The following CDK14 variants were observed in gnomAD, a reference collection of about 807,000 sequenced individuals.
The protein encoded by CDK14 is cyclin-dependent kinase 14.
In CDK14, 34 loss-of-function variants were observed where a neutral mutation model predicts 60.7. The ratio of observed to expected loss-of-function variants is 0.56; its 90% CI spans 0.43 to 0.75. The LOEUF is 0.75. Among genes scored for constraint, CDK14 ranks in the 30% least tolerant of loss-of-function variants. CDK14 has a pLI of 0.00. For synonymous variants in CDK14, 197 were observed against 203.7 expected (o/e 0.97, Z 0.28); for missense variants, 482 against 564.1 (o/e 0.85, Z 1.47).
At chr7:90,784,224 C>T (rs544324680) in intron 4 of CDK14, among the ~76,000 whole-genome samples, 1 of 152,194 alleles carries the variant, frequency 6.6e-6, no homozygotes, top group South Asian at 2.1e-4. Flanking sequence ...AAAAATTGTT[C>T]TCATGGAGGT....
chr7:91,152,280 G>C (rs374702959), intron 14 of CDK14, among the ~76,000 whole-genome samples: 1 of 152,068 alleles, frequency 6.6e-6, no homozygotes, highest in East Asian at 1.9e-4. Flanking sequence ...ATTCTTTTTT[G>C]TCTCCTTCAC....
intron 2 of CDK14, among the ~76,000 whole-genome samples, chr7:90,636,873 G>T (rs1278457548): frequency 6.6e-6 from 1 of 151,940 alleles, no homozygotes; most frequent in African/African-American, 2.4e-5. Context: ...GAGAGTGTAT[G>T]TGTCGAGGAA....
rs949995126 is a variant in CDK14, at chr7:90,997,886, A to G, written c.1041+13645A>G. 1.8e-4 allele frequency among the ~76,000 whole-genome samples: 27 copies of G among 152,288 alleles called. 2 individuals carry two copies. Among genetic ancestry groups the G allele is most frequent in the Non-Finnish European group, 1.6e-4 (11 of 67,992 alleles). Reference sequence around the variant, plus strand: ...TGACAGTGGGCTTCAGTGAACTTCTATTTTGAAGAAGTTTGACAAAATTTT... The same window carrying G: ...TGACAGTGGGCTTCAGTGAACTTCTGTTTTGAAGAAGTTTGACAAAATTTT... On this transcript the variant is annotated intron_variant, in intron 10 of 14. Transcript: ENST00000380050.
At chr7:90,624,571 AAG>A (rs1455149896) in intron 2 of CDK14, among the ~76,000 whole-genome samples, 1 of 152,198 alleles carries the variant, frequency 6.6e-6, no homozygotes, top group African/African-American at 2.4e-5. Flanking sequence ...GCTAAGAGGA[AAG>A]AGAGAGAAGT....
chr7:91,027,338 A>G (rs922552628), intron 10 of CDK14, among the ~76,000 whole-genome samples: 1 of 152,164 alleles, frequency 6.6e-6, no homozygotes, highest in African/African-American at 2.4e-5. Flanking sequence ...AATACTGACA[A>G]TTACCCCATA....
chr7:90,910,767 C>T (rs1792866972), intron 7 of CDK14, among the ~76,000 whole-genome samples: 1 of 152,062 alleles, frequency 6.6e-6, no homozygotes, highest in Non-Finnish European at 1.5e-5. Context: ...TCACTTAATT[C>T]CTCTTTTTTT....
At chr7:90,729,349 T>TTTTTTTTTG (rs1395629711) in intron 3 of CDK14, among the ~76,000 whole-genome samples, 2 of 119,974 alleles carry the variant, frequency 1.7e-5, no homozygotes, top group Non-Finnish European at 3.4e-5. Context: ...TCAAGGTTTT[T>TTTTTTTTTG]TTTTTTTTTT....
chr7:91,004,337 T>C (rs1795922248), intron 10 of CDK14, among the ~76,000 whole-genome samples: 1 of 152,188 alleles, frequency 6.6e-6, no homozygotes, highest in South Asian at 2.1e-4. Flanking sequence ...TAAAGGAACA[T>C]TGTGAATAAA....
intron 6 of CDK14, 28 bp downstream of exon 6, chr7:90,863,297 G>T: frequency 7.6e-7 from 1 of 1,321,456 alleles, no homozygotes; most frequent in South Asian, 1.2e-5. Flanking sequence ...TTTAAATTTA[G>T]ACATTTAAAA....
intron 2 of CDK14, among the ~76,000 whole-genome samples, chr7:90,633,960 T>C (rs1180160229): frequency 6.6e-6 from 1 of 152,182 alleles, no homozygotes; most frequent in Non-Finnish European, 1.5e-5. Context: ...TTTTAAAAGA[T>C]GTTTAATTGA....
intron 14 of CDK14, among the ~76,000 whole-genome samples, chr7:91,156,416 C>CTA: frequency 6.6e-6 from 1 of 152,062 alleles, no homozygotes; most frequent in Non-Finnish European, 1.5e-5. Flanking sequence ...TTCTTTAGAA[C>CTA]GGCTGTTTGA....
At chr7:90,665,283 C>CATAA (rs58390868) in intron 2 of CDK14, among the ~76,000 whole-genome samples, 44,500 of 150,036 alleles carry the variant, frequency 0.3, 7,225 homozygotes, top group East Asian at 0.55. Context: ...GACACTGTCT[C>CATAA]ATAAATAAAT....
At chr7:91,041,752 A>G (rs1413114313) in intron 10 of CDK14, among the ~76,000 whole-genome samples, 1 of 152,230 alleles carries the variant, frequency 6.6e-6, no homozygotes, top group Non-Finnish European at 1.5e-5. Context: ...AACCTTAAAC[A>G]GATATAAAAT....
intron 2 of CDK14, among the ~76,000 whole-genome samples, chr7:90,723,422 G>A (rs1802527031): frequency 6.6e-6 from 1 of 152,120 alleles, no homozygotes; most frequent in Admixed American, 6.6e-5. Context: ...TTGTTTGCAG[G>A]CCCTAGTCTT....
intron 2 of CDK14, among the ~76,000 whole-genome samples, chr7:90,685,506 C>G (rs1801413094): frequency 6.6e-6 from 1 of 151,914 alleles, no homozygotes; most frequent in Non-Finnish European, 1.5e-5. Context: ...GAGATAGAGT[C>G]TTGTTCTGTC....
intron 6 of CDK14, among the ~76,000 whole-genome samples, chr7:90,874,949 C>CATTACT (rs1289043029): frequency 6.6e-6 from 1 of 152,096 alleles, no homozygotes; most frequent in African/African-American, 2.4e-5. Context: ...GTTGTGGAAC[C>CATTACT]ATTACTACAA....
intron 11 of CDK14, among the ~76,000 whole-genome samples, chr7:91,064,628 G>T (rs79080673): frequency 6.6e-6 from 1 of 152,116 alleles, no homozygotes; most frequent in African/African-American, 2.4e-5. Context: ...ACTATAGCCC[G>T]CATCACAGCC....
intron 9 of CDK14, among the ~76,000 whole-genome samples, chr7:90,978,271 C>T (rs970341526): frequency 2.1e-4 from 32 of 152,124 alleles, no homozygotes; most frequent in Admixed American, 9.2e-4. Flanking sequence ...GCACAGCATG[C>T]GGAGGCTTCA....
intron 9 of CDK14, among the ~76,000 whole-genome samples, chr7:90,973,240 C>T (rs564404094): frequency 1.3e-5 from 2 of 152,256 alleles, no homozygotes; most frequent in Non-Finnish European, 1.5e-5. Context: ...CCTCTTATCA[C>T]TTTCAATTAG....
Sources: allele counts gnomAD v4.1 joint callset (sites outside exome capture counted in the v4.1 genomes callset), GRCh38; gene constraint gnomAD v4.1.1; transcripts MANE v1.5; gene names NCBI Gene and HGNC (gene_info 2026-07-23, HGNC 2026-07-21).